Variants in RETREG1 observed in about 807,000 individuals in gnomAD.
RETREG1 encodes the protein family with sequence similarity 134 member B.
RETREG1 carries 44 observed loss-of-function variants against 54.8 expected under a neutral mutation model. That is an observed-to-expected ratio of 0.80 (90% CI 0.63 to 1.03). The LOEUF is 1.03. RETREG1 is among the 50% of genes least tolerant of loss of function. The probability of loss-of-function intolerance (pLI) is 0.00; values close to 1 mark genes in which losing one functional copy is unlikely to be tolerated. For missense variants in RETREG1, 554 were observed against 605.1 expected (o/e 0.92, Z 0.89); for synonymous variants, 217 against 238.5 (o/e 0.91, Z 0.83).
intron 3 of RETREG1, among the ~76,000 whole-genome samples, chr5:16,491,285 G>A (rs773773917): frequency 7.2e-5 from 11 of 152,132 alleles, no homozygotes; most frequent in Admixed American, 2.0e-4. Context: ...CACGACCGTC[G>A]CATCTGGTAA....
chr5:16,556,535 TAAAG>T (rs1741713746), intron 3 of RETREG1, among the ~76,000 whole-genome samples: 1 of 152,080 alleles, frequency 6.6e-6, no homozygotes, highest in Admixed American at 6.6e-5. Flanking sequence ...TACATTAACT[TAAAG>T]GAATGTCAAA....
intron 2 of RETREG1, 63 bp downstream of exon 2, chr5:16,571,933 A>C (rs921241545): frequency 1.0e-5 from 13 of 1,265,252 alleles, no homozygotes; most frequent in Non-Finnish European, 1.5e-5. Context: ...TGCCTACACA[A>C]AGATCAGAAA....
chr5:16,539,481 G>A (rs1439061023), intron 3 of RETREG1, among the ~76,000 whole-genome samples: 7 of 152,162 alleles, frequency 4.6e-5, no homozygotes, highest in East Asian at 3.9e-4. Context: ...GGGCCCGGTC[G>A]GTCGGAGCGA....
At chr5:16,607,834 A>G (rs1418284446) in intron 1 of RETREG1, among the ~76,000 whole-genome samples, 1 of 151,060 alleles carries the variant, frequency 6.6e-6, no homozygotes, top group Non-Finnish European at 1.5e-5. Flanking sequence ...TAGCAAGCAC[A>G]TAAATCTCCC....
intron 1 of RETREG1, among the ~76,000 whole-genome samples, chr5:16,601,103 ACAT>A (rs1378814067): frequency 6.6e-6 from 1 of 152,212 alleles, no homozygotes; most frequent in Non-Finnish European, 1.5e-5. Flanking sequence ...GTGGTGGCTC[ACAT>A]CTGTAATCTC....
chr5:16,475,703 A>G (rs1312564830), intron 8 of RETREG1, among the ~76,000 whole-genome samples: 1 of 152,146 alleles, frequency 6.6e-6, no homozygotes, highest in Non-Finnish European at 1.5e-5. Flanking sequence ...ATAGAGATCT[A>G]TTTCAGTGCC....
At position 16,593,610 on chromosome 5, in the gene RETREG1, T is replaced by C. The variant is rs1742831415; in HGVS notation, c.321-21508A>G. On this transcript the variant is annotated intron_variant, in intron 1 of 8. Coordinates refer to ENST00000306320, the MANE Select transcript of RETREG1 (RefSeq NM_001034850.3). The surrounding 1 kb of genome is among the most constrained non-coding windows in gnomAD (Gnocchi z 4.9). ...ACTATGGGGAACATTAAAATGTCTA[T>C]ACCATTTTTATTAAAGACCCTTTGG... 6.6e-6 allele frequency among the ~76,000 whole-genome samples: 1 copy of C among 152,176 alleles called. No homozygotes were observed. The highest frequency in any genetic ancestry group is 6.5e-5 in the Admixed American group (1 of 15,278).
chr5:16,595,027 C>T (rs1228279215), intron 1 of RETREG1, among the ~76,000 whole-genome samples: 2 of 152,126 alleles, frequency 1.3e-5, no homozygotes, highest in Non-Finnish European at 2.9e-5. Flanking sequence ...ATATAATATC[C>T]TTCCTTCAGC....
chr5:16,475,645 G>A (rs1738507264), intron 8 of RETREG1, among the ~76,000 whole-genome samples: 1 of 152,078 alleles, frequency 6.6e-6, no homozygotes, highest in African/African-American at 2.4e-5. Context: ...ACTATAATAA[G>A]TTTCCTTGGG....
At chr5:16,586,792 AG>A (rs1266240039) in intron 1 of RETREG1, among the ~76,000 whole-genome samples, 1 of 152,240 alleles carries the variant, frequency 6.6e-6, no homozygotes, top group Admixed American at 6.5e-5. Context: ...TACCACAGGC[AG>A]GGTGGCTTAT....
chr5:16,606,158 T>C (rs1167449735), intron 1 of RETREG1, among the ~76,000 whole-genome samples: 1 of 152,112 alleles, frequency 6.6e-6, no homozygotes, highest in Non-Finnish European at 1.5e-5. Context: ...CGGGTGTGAT[T>C]GGAGACCACC....
chr5:16,514,998 CATTG>C (rs893228479), intron 3 of RETREG1, among the ~76,000 whole-genome samples: 4 of 149,126 alleles, frequency 2.7e-5, no homozygotes, highest in Non-Finnish European at 4.4e-5. Context: ...TTTATCCACT[CATTG>C]ATTGATGGGC....
intron 3 of RETREG1, among the ~76,000 whole-genome samples, chr5:16,502,883 T>C (rs1047798492): frequency 2.6e-5 from 4 of 152,226 alleles, no homozygotes; most frequent in South Asian, 4.1e-4. Context: ...GACGCTCTAA[T>C]GGATTTAGAC....
chr5:16,583,568 A>C (rs990161839), intron 1 of RETREG1, among the ~76,000 whole-genome samples: 1 of 152,082 alleles, frequency 6.6e-6, no homozygotes, highest in Non-Finnish European at 1.5e-5. Flanking sequence ...TTGACAAGGA[A>C]AATTTTCCAT....
At chr5:16,557,857 T>TTTGCA (rs1741751661) in intron 3 of RETREG1, among the ~76,000 whole-genome samples, 1 of 152,112 alleles carries the variant, frequency 6.6e-6, no homozygotes, top group African/African-American at 2.4e-5. Context: ...CTAATTGCTA[T>TTTGCA]GGTTTGAAAG....
intron 3 of RETREG1, among the ~76,000 whole-genome samples, chr5:16,523,715 A>G (rs968799272): frequency 6.6e-6 from 1 of 152,248 alleles, no homozygotes; most frequent in South Asian, 2.1e-4. Flanking sequence ...CTAACTCCTG[A>G]ATGGGGGAGT....
At chr5:16,532,696 T>A (rs1011550407) in intron 3 of RETREG1, among the ~76,000 whole-genome samples, 1 of 152,238 alleles carries the variant, frequency 6.6e-6, no homozygotes, top group Non-Finnish European at 1.5e-5. Context: ...ACAGTGTAAG[T>A]CAGTCTTGGG....
chr5:16,607,299 C>T (rs1007006185), intron 1 of RETREG1, among the ~76,000 whole-genome samples: 2 of 152,244 alleles, frequency 1.3e-5, no homozygotes, highest in African/African-American at 4.8e-5. Context: ...ATATCCCCCG[C>T]ACCAAGAACA....
At chr5:16,609,533 G>T (rs1344736441) in intron 1 of RETREG1, among the ~76,000 whole-genome samples, 1 of 152,184 alleles carries the variant, frequency 6.6e-6, no homozygotes, top group African/African-American at 2.4e-5. Flanking sequence ...CAGGCTGTGA[G>T]GCTAGAAGGA....
Sources: allele counts gnomAD v4.1 joint callset (sites outside exome capture counted in the v4.1 genomes callset), GRCh38; gene constraint gnomAD v4.1.1; non-coding constraint Gnocchi (gnomAD v3.1); transcripts MANE v1.5; gene names NCBI Gene and HGNC (gene_info 2026-07-23, HGNC 2026-07-21).